Variants in RAPGEF4 observed in about 807,000 individuals in gnomAD.
The protein encoded by RAPGEF4 is RAP guanine-nucleotide-exchange factor (GEF) 4.
A neutral mutation model predicts 147.9 loss-of-function variants in RAPGEF4; 66 were observed. The observed-to-expected ratio is 0.45, with a 90% CI of 0.37 to 0.55. The LOEUF (loss-of-function observed/expected upper bound fraction) is 0.55, where lower values mean the gene tolerates loss of function less well. Ranked by LOEUF, RAPGEF4 falls within the 20% of genes least tolerant of loss-of-function variation. The pLI, the probability that RAPGEF4 is intolerant of heterozygous loss-of-function variation, is 0.00. For synonymous variants in RAPGEF4, 419 were observed against 442.7 expected (o/e 0.95, Z 0.67); for missense variants, 1,071 against 1,257.3 (o/e 0.85, Z 2.24).
chr2:172,880,488 A>C (rs1200706870), intron 4 of RAPGEF4, among the ~76,000 whole-genome samples: 1 of 151,968 alleles, frequency 6.6e-6, no homozygotes, highest in African/African-American at 2.4e-5. Context: ...GGAAATGCTC[A>C]AGAAATGACT....
intron 6 of RAPGEF4, among the ~76,000 whole-genome samples, chr2:172,947,283 A>C (rs531298403): frequency 5.3e-5 from 8 of 152,324 alleles, no homozygotes; most frequent in African/African-American, 1.7e-4. Flanking sequence ...TAGCTGTAAA[A>C]CATTTAATAA....
At chr2:172,780,046 G>A (rs147071131) in intron 1 of RAPGEF4, among the ~76,000 whole-genome samples, 7 of 151,698 alleles carry the variant, frequency 4.6e-5, no homozygotes, top group African/African-American at 1.7e-4. Flanking sequence ...AATAAATGAC[G>A]GCATGTTACA....
intron 4 of RAPGEF4, among the ~76,000 whole-genome samples, chr2:172,879,264 A>G (rs963378106): frequency 2.0e-5 from 3 of 152,214 alleles, no homozygotes; most frequent in Non-Finnish European, 4.4e-5. Flanking sequence ...TGTTATGGAA[A>G]TATCTCCAAG....
intron 26 of RAPGEF4, among the ~76,000 whole-genome samples, chr2:173,031,051 G>C (rs1411383064): frequency 6.6e-6 from 1 of 152,180 alleles, no homozygotes. Flanking sequence ...AGAGGGCAAG[G>C]AGTATGTATT....
chr2:172,795,249 T>C (rs1230455756), intron 2 of RAPGEF4, 82 bp downstream of exon 2: 5 of 1,394,188 alleles, frequency 3.6e-6, no homozygotes, highest in Non-Finnish European at 5.0e-6. Flanking sequence ...AAATAGCAAA[T>C]GGAGTATTTA....
At chr2:172,817,874 TGATATA>T (rs1688656148) in intron 4 of RAPGEF4, among the ~76,000 whole-genome samples, 1 of 10,248 alleles carries the variant, frequency 9.8e-5, no homozygotes, top group Non-Finnish European at 3.5e-4. Context: ...AAAGAAATTG[TGATATA>T]TATATATATA....
intron 23 of RAPGEF4, 127 bp from the exon 24 acceptor site, chr2:173,026,445 A>G (rs1262539426): frequency 1.3e-5 from 13 of 1,030,038 alleles, no homozygotes; most frequent in Non-Finnish European, 1.5e-5. Context: ...CTCTCCTCAG[A>G]GTTTCCAGAT....
intron 18 of RAPGEF4, among the ~76,000 whole-genome samples, chr2:173,015,637 A>AT (rs976347881): frequency 1.3e-5 from 2 of 152,168 alleles, no homozygotes; most frequent in Non-Finnish European, 2.9e-5. Context: ...GTACAGGACC[A>AT]TTTTGTAGAT....
chr2:173,027,041 TAA>T, intron 24 of RAPGEF4, 38 bp from the exon 25 acceptor site: 1 of 1,479,616 alleles, frequency 6.8e-7, no homozygotes, highest in Non-Finnish European at 9.1e-7. Context: ...TGTTTTGATT[TAA>T]AAAAAAATAA....
intron 4 of RAPGEF4, among the ~76,000 whole-genome samples, chr2:172,837,992 A>G (rs1247239784): frequency 2.0e-5 from 3 of 152,206 alleles, no homozygotes; most frequent in Non-Finnish European, 4.4e-5. Flanking sequence ...TGAAGTGCCT[A>G]CTGTGTTGGT....
At chr2:173,008,419 T>C (rs1481758828) in intron 17 of RAPGEF4, among the ~76,000 whole-genome samples, 4 of 152,316 alleles carry the variant, frequency 2.6e-5, no homozygotes, top group East Asian at 1.9e-4. Flanking sequence ...GTTGCTGTTA[T>C]TATTATACCA....
chr2:172,981,591 G>A (rs16861121), intron 10 of RAPGEF4, among the ~76,000 whole-genome samples: 11,091 of 152,232 alleles, frequency 0.073, 593 homozygotes, highest in South Asian at 0.16. Context: ...CTCCCGGGTC[G>A]TGGATTTAGT....
At chr2:173,005,526 T>TG (rs1553546850) in intron 17 of RAPGEF4, among the ~76,000 whole-genome samples, 17 of 133,852 alleles carry the variant, frequency 1.3e-4, no homozygotes, top group African/African-American at 4.4e-4. Flanking sequence ...TTGTGTTTTT[T>TG]TTTTTTTTTT....
chr2:172,900,523 G>A (rs1203653995), intron 4 of RAPGEF4, among the ~76,000 whole-genome samples: 1 of 152,168 alleles, frequency 6.6e-6, no homozygotes, highest in Non-Finnish European at 1.5e-5. Context: ...ACAGGCATGA[G>A]CCACTGTGCC....
At chr2:173,006,636 A>G (rs961458675) in intron 17 of RAPGEF4, among the ~76,000 whole-genome samples, 1 of 152,234 alleles carries the variant, frequency 6.6e-6, no homozygotes, top group African/African-American at 2.4e-5. Flanking sequence ...TCCCTGTCAT[A>G]AAAATCTTTG....
intron 4 of RAPGEF4, among the ~76,000 whole-genome samples, chr2:172,831,818 G>A (rs920124124): frequency 2.0e-5 from 3 of 152,064 alleles, no homozygotes; most frequent in South Asian, 4.2e-4. Context: ...TTTCGAAGAC[G>A]TTATCCCTGT....
At position 172,919,908 on chromosome 2, in the gene RAPGEF4, C is replaced by T. The variant is rs186944196; in HGVS notation, c.517+2034C>T. Among the ~76,000 whole-genome samples, 379 of 152,150 alleles carry T rather than the reference C, an allele frequency of 2.5e-3. 3 individuals carry two copies. Among genetic ancestry groups the T allele is most frequent in the Non-Finnish European group, 3.3e-3 (225 of 68,008 alleles). ...ATCACCCCTGCTTGCCCGGGCCCAGCGCCCTTCCTTTGCATGTTCACAGTC... is the reference window on the plus strand; with the variant it reads ...ATCACCCCTGCTTGCCCGGGCCCAGTGCCCTTCCTTTGCATGTTCACAGTC... On this transcript the variant is annotated intron_variant, in intron 5 of 30. Transcript: ENST00000397081.
rs566237533 is a variant in RAPGEF4, at chr2:172,922,274, C to G, written c.518-7C>G. ...TGGCCTCTCTCTGTCTCTTTTTCCT[C>G]CTTTAGGGATTCCTGACAAGGAGAA... On this transcript the variant is annotated splice_region_variant and splice_polypyrimidine_tract_variant and intron_variant, in intron 5 of 30. Coordinates refer to ENST00000397081, the MANE Select transcript of RAPGEF4 (RefSeq NM_007023.4). 2.5e-6 allele frequency: 4 copies of G among 1,607,148 alleles called. No individual in the cohort carries two copies. The highest frequency in any genetic ancestry group is 2.2e-5 in the South Asian group (2 of 90,934).
chr2:172,768,582 G>T (rs189704651), intron 1 of RAPGEF4, among the ~76,000 whole-genome samples: 1 of 151,894 alleles, frequency 6.6e-6, no homozygotes, highest in Non-Finnish European at 1.5e-5. Context: ...GTACTCAGGC[G>T]GAAGAGTGCC....
Sources: gnomAD v4.1 joint callset for allele counts (sites outside exome capture counted in the v4.1 genomes callset) on GRCh38, gnomAD v4.1.1 for gene constraint, MANE v1.5 for transcripts, NCBI Gene and HGNC (gene_info 2026-07-23, HGNC 2026-07-21) for gene names.